Variants in TATDN3 observed in about 807,000 individuals in gnomAD.
TATDN3 encodes deoxyribonuclease TATDN3.
In TATDN3, 29 loss-of-function variants were observed where a neutral mutation model predicts 40.1. The observed-to-expected ratio is 0.72, with a 90% CI of 0.54 to 0.99. The LOEUF (loss-of-function observed/expected upper bound fraction) is 0.99. Ranked by LOEUF, TATDN3 falls within the 50% of genes least tolerant of loss-of-function variation. The pLI is 0.00. For missense variants in TATDN3, 309 were observed against 321.9 expected, an observed-to-expected ratio of 0.96 and a Z score of 0.31; for synonymous variants, 105 against 117.0, an observed-to-expected ratio of 0.90 and a Z score of 0.66.
chr1:212,814,989 A>G (rs758733886), intron 9 of TATDN3, 24 bp from the exon 10 acceptor site: 69 of 1,601,770 alleles, frequency 4.3e-5, no homozygotes, highest in Admixed American at 5.3e-5. Context: ...CATGTTTGAC[A>G]TGGTGTCTGC....
chr1:212,795,031 T>C (rs1661648422), intron 1 of TATDN3, 64 bp from the exon 2 acceptor site: 5 of 1,293,016 alleles, frequency 3.9e-6, no homozygotes, highest in Admixed American at 1.7e-5. Context: ...TACATTGACA[T>C]ATACAGTCCA....
intron 9 of TATDN3, among the ~76,000 whole-genome samples, chr1:212,812,538 G>A (rs1269168495): frequency 4.6e-5 from 7 of 152,292 alleles, no homozygotes; most frequent in Middle Eastern, 6.8e-3. Flanking sequence ...ATGTCCTAAT[G>A]TATGTAATAA....
intron 8 of TATDN3, 22 bp downstream of exon 8, chr1:212,807,870 C>T: frequency 4.2e-6 from 6 of 1,437,568 alleles, no homozygotes; most frequent in Non-Finnish European, 5.8e-6. Context: ...CATTGAAACT[C>T]ATCTAATACT....
chr1:212,806,740 CTCTCTCCATAT>C (rs1662496615), intron 7 of TATDN3, among the ~76,000 whole-genome samples: 1 of 98,024 alleles, frequency 1.0e-5, no homozygotes, highest in Non-Finnish European at 1.9e-5. Flanking sequence ...CTCTCTCTCT[CTCTCTCCATAT>C]ATATATATAT....
intron 1 of TATDN3, among the ~76,000 whole-genome samples, chr1:212,793,499 G>A (rs956388442): frequency 6.6e-6 from 1 of 152,124 alleles, no homozygotes; most frequent in African/African-American, 2.4e-5. Context: ...CACAAAAATG[G>A]ATAGGCATGA....
intron 8 of TATDN3, among the ~76,000 whole-genome samples, chr1:212,811,037 C>A (rs1382626443): frequency 1.3e-5 from 2 of 152,058 alleles, no homozygotes; most frequent in Non-Finnish European, 2.9e-5. Context: ...GGCTGGGGTG[C>A]AGTGATGTGA....
At chr1:212,798,128 C>G (rs1661906425) in intron 4 of TATDN3, among the ~76,000 whole-genome samples, 1 of 152,046 alleles carries the variant, frequency 6.6e-6, no homozygotes, top group South Asian at 2.1e-4. Context: ...AGATTGAGAC[C>G]TTCCTGGCTA....
intron 8 of TATDN3, among the ~76,000 whole-genome samples, chr1:212,808,312 C>CAAAAA (rs34100841): frequency 1.8e-5 from 2 of 111,458 alleles, no homozygotes; most frequent in Non-Finnish European, 3.5e-5. Flanking sequence ...AACTCCATCT[C>CAAAAA]AAAAAAAAAA....
intron 4 of TATDN3, among the ~76,000 whole-genome samples, chr1:212,799,788 C>G (rs1662060467): frequency 6.6e-6 from 1 of 152,206 alleles, no homozygotes; most frequent in Non-Finnish European, 1.5e-5. Flanking sequence ...ATCCACCTGC[C>G]TTGGCCTCCC....
chr1:212,802,168 T>C (rs1436453435), intron 4 of TATDN3, among the ~76,000 whole-genome samples: 1 of 152,188 alleles, frequency 6.6e-6, no homozygotes, highest in Non-Finnish European at 1.5e-5. Flanking sequence ...TTAACAAGCA[T>C]ATATGAGATA....
chr1:212,797,253 A>T (rs1300327693), intron 4 of TATDN3, 57 bp downstream of exon 4: 1 of 1,293,134 alleles, frequency 7.7e-7, no homozygotes, highest in East Asian at 2.3e-5. Context: ...GAATTATTTG[A>T]CTCAGTAATC....
At chr1:212,814,840 A>G (rs887281132) in intron 9 of TATDN3, among the ~76,000 whole-genome samples, 173 bp from the exon 10 acceptor site, 5 of 152,192 alleles carry the variant, frequency 3.3e-5, no homozygotes, top group Non-Finnish European at 7.4e-5. Flanking sequence ...CAGATTTACA[A>G]TCAACATTGC....
At chr1:212,792,317 G>A (rs1661363795) in intron 1 of TATDN3, among the ~76,000 whole-genome samples, 1 of 152,090 alleles carries the variant, frequency 6.6e-6, no homozygotes, top group African/African-American at 2.4e-5. Context: ...CTCTTTGTGG[G>A]AAGCGGTCCT....
chr1:212,815,647 C>A lies in TATDN3; in HGVS notation c.*491C>A, dbSNP rs6700544. The A allele has an allele frequency of 0.78, 118,309 of 152,360 alleles. 46,666 individuals carry two copies. The highest frequency in any genetic ancestry group is 0.98 in the East Asian group (5,099 of 5,204). The allele number at this position is 152,360 out of a possible 1,614,324, so 9.4% of individuals were successfully genotyped here. A position where few individuals can be genotyped will look rare whatever the true frequency, so the allele number is the denominator to read the frequency against. ...CTAGCGAGTCTCCTCCCTCAGCCTC[C>A]CAAGTAGCTGGGATTACAGGCATGT... On this transcript the variant is annotated 3_prime_UTR_variant, in exon 10 of 10. Transcript: ENST00000366974.
At chr1:212,811,282 AC>A (rs1041374707) in intron 8 of TATDN3, among the ~76,000 whole-genome samples, 2 of 151,816 alleles carry the variant, frequency 1.3e-5, no homozygotes, top group Non-Finnish European at 2.9e-5. Context: ...ACAGGCAGCC[AC>A]CACTACGCCC....
At chr1:212,796,670 AT>A (rs1661786416) in intron 3 of TATDN3, 80 bp downstream of exon 3, 3 of 1,001,156 alleles carry the variant, frequency 3.0e-6, no homozygotes, top group Non-Finnish European at 2.9e-6. Context: ...TCAAAGATCC[AT>A]TTTTAAAGAG....
rs796710955 is a variant in TATDN3, at chr1:212,806,783, T to TATATATATATATATACAC, written c.488-952_488-951insTATATATATATATACACA. Among the ~76,000 whole-genome samples, 2 of 79,522 alleles carry TATATATATATATATACAC rather than the reference T, an allele frequency of 2.5e-5. 1 individual carries two copies. The highest frequency in any genetic ancestry group is 4.8e-5 in the Non-Finnish European group (2 of 41,500). 52.2% of individuals were successfully genotyped at this position (79,522 alleles called of 152,430 possible). On this transcript the variant is annotated intron_variant, in intron 7 of 9. Coordinates refer to ENST00000366974, the MANE Select transcript of TATDN3 (RefSeq NM_001042552.3). ...ATATATATATATATATATATATATA[T>TATATATATATATATACAC]ACACACACACACACACATATATACA...
At position 212,807,830 on chromosome 1, in the gene TATDN3, T is replaced by C; in HGVS notation, c.582T>C (p.Ser194=). 1 of 1,612,150 alleles carries C rather than the reference T, an allele frequency of 6.2e-7. No homozygotes were observed. Residue 194 remains serine (S), a synonymous_variant, in exon 8 of 10, where the codon TCT becomes TCC. Transcript: ENST00000366974. Reference sequence around the variant, plus strand: ...GGTACTTCTTCTCAATTCCCCCTTCTATCATAAGAAGTGGACAGGTAAATT... The same window carrying C: ...GGTACTTCTTCTCAATTCCCCCTTCCATCATAAGAAGTGGACAGGTAAATT... ...RAGYFFSIPP[S]IIRSGQKQKL...
At chr1:212,793,752 G>A (rs555304232) in intron 1 of TATDN3, among the ~76,000 whole-genome samples, 1 of 152,302 alleles carries the variant, frequency 6.6e-6, no homozygotes, top group South Asian at 2.1e-4. Context: ...GAGGAGTCAA[G>A]GATGACTCAG....
Sources: gnomAD v4.1 joint callset for allele counts (sites outside exome capture counted in the v4.1 genomes callset) on GRCh38, gnomAD v4.1.1 for gene constraint, MANE v1.5 for transcripts, NCBI Gene and HGNC (gene_info 2026-07-23, HGNC 2026-07-21) for gene names.